The following WIPF2 variants were observed in gnomAD, a reference collection of about 807,000 sequenced individuals.
The protein encoded by WIPF2 is WAS/WASL interacting protein family member 2, also known as WAS/WASL-interacting protein family member 2.
WIPF2 carries 23 observed loss-of-function variants against 38.8 expected under a neutral mutation model. The observed-to-expected ratio is 0.59, with a 90% CI of 0.43 to 0.84. WIPF2 has a LOEUF of 0.84. Among genes scored for constraint, WIPF2 ranks in the 40% least tolerant of loss-of-function variants. The probability of loss-of-function intolerance (pLI) is 0.00; values close to 1 mark genes in which losing one functional copy is unlikely to be tolerated. For missense variants in WIPF2, 574 were observed against 580.5 expected (o/e 0.99, Z 0.11); for synonymous variants, 210 against 223.2 (o/e 0.94, Z 0.53).
At chr17:40,276,528 A>AAG (rs1384787801) in intron 6 of WIPF2, among the ~76,000 whole-genome samples, 3 of 151,294 alleles carry the variant, frequency 2.0e-5, no homozygotes, top group Non-Finnish European at 4.4e-5. Context: ...CTCAAAAAAA[A>AAG]AAAAAAAAAA....
intron 1 of WIPF2, among the ~76,000 whole-genome samples, chr17:40,248,524 T>C (rs2031450622): frequency 6.6e-6 from 1 of 152,176 alleles, no homozygotes. Flanking sequence ...CCCAGGCTGG[T>C]CTCTAAGCAC....
intron 7 of WIPF2, 129 bp from the exon 8 acceptor site, chr17:40,278,056 A>G: frequency 8.9e-7 from 1 of 1,117,634 alleles, no homozygotes; most frequent in Non-Finnish European, 1.3e-6. Context: ...GCAAAACAAT[A>G]ATAACACGTA....
chr17:40,267,513 A>G (rs942985232), intron 5 of WIPF2, among the ~76,000 whole-genome samples: 3 of 152,100 alleles, frequency 2.0e-5, no homozygotes, highest in South Asian at 2.1e-4. Context: ...ACCCTCCACA[A>G]ACAGCTTCTT....
intron 1 of WIPF2, among the ~76,000 whole-genome samples, chr17:40,250,529 G>A (rs887456076): frequency 1.3e-5 from 2 of 151,374 alleles, no homozygotes; most frequent in African/African-American, 2.4e-5. Flanking sequence ...GATTCCAGGC[G>A]TGAGCCACCA....
rs753227454 is a variant in WIPF2, at chr17:40,220,562, C to CGTGTGTGT, written c.-70+1075_-70+1082dup. On this transcript the variant is annotated intron_variant, in intron 1 of 7. Transcript: ENST00000323571. ...AGGTGTGACCACTACTCCCGCCTAA[C>CGTGTGTGT]GTGTGTGTGTGTATATATATATATA... The CGTGTGTGT allele has an allele frequency of 9.3e-4, 86 of 92,652 alleles. 1 individual carries two copies. The highest frequency in any genetic ancestry group is 4.0e-3 in the African/African-American group (83 of 20,754). The allele number at this position is 92,652 out of a possible 1,614,324, so 5.7% of individuals were successfully genotyped here. A position where few individuals can be genotyped will look rare whatever the true frequency, so the allele number is the denominator to read the frequency against.
intron 1 of WIPF2, among the ~76,000 whole-genome samples, chr17:40,224,505 C>G (rs1184906260): frequency 6.6e-6 from 1 of 151,412 alleles, no homozygotes; most frequent in East Asian, 1.9e-4. Flanking sequence ...CTCGGCCTCC[C>G]AAAGTGCTGA....
At chr17:40,254,066 G>T (rs1031269803) in intron 1 of WIPF2, among the ~76,000 whole-genome samples, 1 of 151,388 alleles carries the variant, frequency 6.6e-6, no homozygotes, top group Non-Finnish European at 1.5e-5. Flanking sequence ...ATCCAGGTTG[G>T]AGTGCAGTGG....
Position 40,230,800 on chromosome 17 carries a change from C to T in WIPF2, c.-70+11308C>T, listed in dbSNP as rs182689956. On this transcript the variant is annotated intron_variant, in intron 1 of 7. Coordinates refer to ENST00000323571, the MANE Select transcript of WIPF2 (RefSeq NM_133264.5). ...TGTTGACTGTTTTAAAAATAATCTT[C>T]ATGGTGCTAGGGAGAGAACAGATGT... Among the ~76,000 whole-genome samples, 476 of 152,212 alleles carry T rather than the reference C, an allele frequency of 3.1e-3. 4 individuals are homozygous for T. Among genetic ancestry groups the T allele is most frequent in the African/African-American group, 0.011 (453 of 41,530 alleles).
intron 1 of WIPF2, among the ~76,000 whole-genome samples, chr17:40,232,104 C>A (rs2030768867): frequency 6.7e-6 from 1 of 149,272 alleles, no homozygotes; most frequent in South Asian, 2.1e-4. Flanking sequence ...CCTCTGCCTC[C>A]TGGGCTCAAG....
In WIPF2 at chr17:40,264,611, C is replaced by G. The variant is rs1311116539; in HGVS notation, c.435C>G (p.Leu145=). Residue 145 remains leucine, a synonymous_variant, in exon 5 of 8, where the codon CTC becomes CTG. Transcript: ENST00000323571. ...ATACAGACAGCAGCCGGGCCTCACT[C>G]CCAGAACTGCCCCGGATGCAGAGAC... ...QDDTDSSRAS[L]PELPRMQRPS... 1 of 1,614,156 alleles carries G rather than the reference C, an allele frequency of 6.2e-7. No homozygotes were observed. The highest frequency in any genetic ancestry group is 8.5e-7 in the Non-Finnish European group (1 of 1,180,024).
Position 40,240,441 on chromosome 17 carries a change from A to G in WIPF2, c.-69-15950A>G, listed in dbSNP as rs140123048. Among the ~76,000 whole-genome samples, 406 of 151,560 alleles carry G rather than the reference A, an allele frequency of 2.7e-3. 2 individuals carry two copies. Among genetic ancestry groups the G allele is most frequent in the African/African-American group, 9.4e-3 (388 of 41,294 alleles). On this transcript the variant is annotated intron_variant, in intron 1 of 7. Transcript: ENST00000323571. ...CTTCCCGAGGTACCAGGTGCCTCTA[A>G]TTTCTGAGACGTTTTGATTCAGAAG... is the stretch of plus-strand genomic sequence containing the variant.
intron 1 of WIPF2, among the ~76,000 whole-genome samples, chr17:40,250,458 A>G (rs865846833): frequency 7.0e-6 from 1 of 142,748 alleles, no homozygotes; most frequent in South Asian, 2.2e-4. Flanking sequence ...ACCGTGTTGG[A>G]CAAGATGGTC....
chr17:40,273,281 C>T (rs190156301), intron 5 of WIPF2, among the ~76,000 whole-genome samples: 65 of 152,194 alleles, frequency 4.3e-4, no homozygotes, highest in Admixed American at 2.3e-3. Flanking sequence ...GCAATCCTCC[C>T]GCCTCGGCCT....
intron 5 of WIPF2, among the ~76,000 whole-genome samples, chr17:40,271,924 C>T (rs932500369): frequency 4.6e-5 from 7 of 151,918 alleles, no homozygotes; most frequent in Non-Finnish European, 7.4e-5. Context: ...ATGCTTTTGA[C>T]GTTACCTTCT....
At chr17:40,257,675 A>G (rs1464027727) in intron 2 of WIPF2, among the ~76,000 whole-genome samples, 1 of 148,918 alleles carries the variant, frequency 6.7e-6, no homozygotes, top group Admixed American at 6.8e-5. Context: ...GAACCCAGGA[A>G]GCGGAGGTTG....
intron 6 of WIPF2, among the ~76,000 whole-genome samples, chr17:40,276,858 A>G (rs1430356297): frequency 6.6e-6 from 1 of 152,188 alleles, no homozygotes; most frequent in African/African-American, 2.4e-5. Context: ...GGGCTCAAAG[A>G]CGCACTACTT....
intron 3 of WIPF2, among the ~76,000 whole-genome samples, chr17:40,261,972 G>A (rs980609302): frequency 2.6e-5 from 4 of 151,600 alleles, no homozygotes; most frequent in African/African-American, 7.3e-5. Context: ...GAGCCACCAC[G>A]CCTGGCTTCA....
At chr17:40,236,930 G>A (rs1033249899) in intron 1 of WIPF2, among the ~76,000 whole-genome samples, 1 of 152,040 alleles carries the variant, frequency 6.6e-6, no homozygotes, top group Non-Finnish European at 1.5e-5. Context: ...TAGATTCTTT[G>A]TATGGGATCT....
rs1364692538 is a variant in WIPF2 at position 40,282,457 on chromosome 17, A to G, written c.*4232A>G. On this transcript the variant is annotated 3_prime_UTR_variant, in exon 8 of 8. Coordinates refer to ENST00000323571, the MANE Select transcript of WIPF2 (RefSeq NM_133264.5). Reference sequence around the variant, plus strand: ...ACTAGAATGACACGTGTGCGTGCGCACGCGTGTGCGTGTGTGTGTTCATCT... The same window carrying G: ...ACTAGAATGACACGTGTGCGTGCGCGCGCGTGTGCGTGTGTGTGTTCATCT... 6.6e-6 allele frequency: 1 copy of G among 151,714 alleles called. No individual in the cohort carries two copies. The highest frequency in any genetic ancestry group is 6.5e-5 in the Admixed American group (1 of 15,274). 9.4% of individuals were successfully genotyped at this position (151,714 alleles called of 1,614,324 possible). A position where few individuals can be genotyped will look rare whatever the true frequency, so the allele number is the denominator to read the frequency against.
Sources: gnomAD v4.1 joint callset for allele counts (sites outside exome capture counted in the v4.1 genomes callset) on GRCh38, gnomAD v4.1.1 for gene constraint, MANE v1.5 for transcripts, NCBI Gene and HGNC (gene_info 2026-07-23, HGNC 2026-07-21) for gene names.